POLRMT: variants seen among roughly 807,000 people sequenced by gnomAD.
POLRMT encodes DNA-directed RNA polymerase, mitochondrial.
In POLRMT, 114 loss-of-function variants were observed where a neutral mutation model predicts 132.2. The ratio of observed to expected loss-of-function variants is 0.86; its 90% CI spans 0.74 to 1.01. The LOEUF is 1.01. Among genes scored for constraint, POLRMT ranks in the 50% least tolerant of loss-of-function variants. The pLI, the probability that POLRMT is intolerant of heterozygous loss-of-function variation, is 0.00. For synonymous variants in POLRMT, 1,020 were observed against 773.4 expected (o/e 1.32, Z -5.29); for missense variants, 2,003 against 1,729.1 (o/e 1.16, Z -2.81).
intron 3 of POLRMT, among the ~76,000 whole-genome samples, chr19:626,560 G>A (rs1332536417): frequency 1.4e-5 from 2 of 143,624 alleles, no homozygotes; most frequent in Non-Finnish European, 3.0e-5. Flanking sequence ...GCCAAGACAG[G>A]AGGATCACAA....
chr19:633,023 C>CA (rs2144721355), intron 1 of POLRMT, 85 bp from the exon 2 acceptor site: 1 of 930,122 alleles, frequency 1.1e-6, no homozygotes, highest in African/African-American at 1.7e-5. Flanking sequence ...GGTCGAAGGG[C>CA]AAAGGAGCCC....
At chr19:627,842 T>C (rs895187404) in intron 3 of POLRMT, among the ~76,000 whole-genome samples, 7 of 150,232 alleles carry the variant, frequency 4.7e-5, no homozygotes, top group Non-Finnish European at 8.9e-5. Flanking sequence ...GGGAGAATTA[T>C]TGAACCCAGG....
In POLRMT at chr19:624,923, T is replaced by C; in HGVS notation, c.954-18A>G. 1 of 1,593,596 alleles carries C rather than the reference T, an allele frequency of 6.3e-7. No individual in the cohort carries two copies. Among genetic ancestry groups the C allele is most frequent in the Non-Finnish European group, 8.6e-7 (1 of 1,167,152 alleles). On this transcript the variant is annotated intron_variant, in intron 4 of 20. Transcript: ENST00000588649. The stretch of plus-strand genomic sequence containing the variant: ...CCAGACACCTGTGGTGCAGGCGGCC[T>C]GCTCGAGGGACGGGCCAGCCCCACG...
In POLRMT at chr19:621,166, G is replaced by C. The variant is rs146742650; in HGVS notation, c.2532C>G (p.His844Gln). The change falls in exon 10 of 21, where the codon CAC (histidine) becomes CAG (glutamine). Residue 844 changes from histidine (H) to glutamine (Q), a missense_variant. Coordinates refer to ENST00000588649, the MANE Select transcript of POLRMT (RefSeq NM_005035.4). ...TCTTCAACCCCGTGAGATTGACCAG[G>C]TGGATCTTGAGCCAATCCAGGCCGT... ...GPHGLDWLKI[H>Q]LVNLTGLKKR... is the part of the protein sequence containing the mutation. 2 of 1,610,922 alleles carry C rather than the reference G, an allele frequency of 1.2e-6. No individual in the cohort carries two copies. The highest frequency in any genetic ancestry group is 1.7e-6 in the Non-Finnish European group (2 of 1,178,678).
intron 10 of POLRMT, 55 bp downstream of exon 10, chr19:621,003 G>A (rs1329925588): frequency 1.1e-6 from 1 of 931,540 alleles, no homozygotes; most frequent in Non-Finnish European, 1.3e-6. Context: ...CGGGGGCGCC[G>A]GGGGAGGGCG....
chr19:623,696 G>C (rs776694012), intron 5 of POLRMT, 93 bp from the exon 6 acceptor site: 1 of 1,448,778 alleles, frequency 6.9e-7, no homozygotes, highest in South Asian at 1.2e-5. Context: ...GCGTTTCTGC[G>C]TCTCCTGCAA....
chr19:622,645 G>C lies in POLRMT; in HGVS notation c.1563C>G (p.Gly521=). 2 of 1,607,180 alleles carry C rather than the reference G, an allele frequency of 1.2e-6. No individual in the cohort carries two copies. Among genetic ancestry groups the C allele is most frequent in the Admixed American group, 1.7e-5 (1 of 59,614 alleles). Residue 521 remains glycine (G), a synonymous_variant, in exon 8 of 21, where the codon GGC becomes GGG. Transcript: ENST00000588649. The part of the protein sequence containing the change: ...RHVVQRQRVS[G]QVQALQNHYR... ...AGTGGTTCTGCAGCGCCTGCACCTG[G>C]CCACTGACCCGCTGCCTCTGCACCA... is the stretch of plus-strand genomic sequence containing the variant.
At chr19:624,105 A>T (rs1490822962) in intron 5 of POLRMT, among the ~76,000 whole-genome samples, 2 of 152,222 alleles carry the variant, frequency 1.3e-5, no homozygotes, top group Non-Finnish European at 2.9e-5. Context: ...GGACGAACAG[A>T]CGGGCACGGC....
chr19:626,447 C>T (rs1985018988), intron 3 of POLRMT, among the ~76,000 whole-genome samples: 1 of 151,600 alleles, frequency 6.6e-6, no homozygotes, highest in Non-Finnish European at 1.5e-5. Flanking sequence ...AGCCACCACG[C>T]CCAGCCATGT....
chr19:630,883 C>A (rs928550993), intron 2 of POLRMT, among the ~76,000 whole-genome samples: 1 of 152,194 alleles, frequency 6.6e-6, no homozygotes, highest in Non-Finnish European at 1.5e-5. Context: ...GCTGGCCGGG[C>A]ATGGCGGCTC....
At chr19:632,783 C>T in intron 2 of POLRMT, 51 bp downstream of exon 2, 9 of 1,442,048 alleles carry the variant, frequency 6.2e-6, no homozygotes, top group Non-Finnish European at 7.5e-6. Flanking sequence ...TTTCTCCCGG[C>T]AGCAGGGAGC....
Position 618,591 on chromosome 19 carries a change from G to A in POLRMT, c.3324-5C>T. The A allele has an allele frequency of 2.5e-6, 4 of 1,609,482 alleles. No homozygotes were observed. Among genetic ancestry groups the A allele is most frequent in the East Asian group, 4.5e-5 (2 of 44,704 alleles). ...TGCTTACGTGTGTTGGGCTTTCTGA[G>A]GACGGAACAGGTGCCGGTGGGGGCG... On this transcript the variant is annotated splice_region_variant and splice_polypyrimidine_tract_variant and intron_variant, in intron 16 of 20. Transcript: ENST00000588649.
At position 625,259 on chromosome 19, in the gene POLRMT, G is replaced by A; in HGVS notation, c.823-5C>T. The A allele has an allele frequency of 6.2e-7, 1 of 1,613,766 alleles. No individual in the cohort carries two copies. On this transcript the variant is annotated splice_region_variant and splice_polypyrimidine_tract_variant and intron_variant, in intron 3 of 20. Coordinates refer to ENST00000588649, the MANE Select transcript of POLRMT (RefSeq NM_005035.4). ...TACCAGCTCCTTGAAGGCACCCTGG[G>A]AGACCAAGCCAGGGTGAGGGTCTGG...
intron 8 of POLRMT, 51 bp downstream of exon 8, chr19:622,531 C>T (rs754311086): frequency 1.0e-5 from 16 of 1,531,700 alleles, no homozygotes; most frequent in African/African-American, 9.6e-5. Context: ...GGAGGGAGAG[C>T]GCCCACCCAC....
rs574314564 is a variant in POLRMT at position 630,126 on chromosome 19, G to A, written c.236C>T (p.Ser79Leu). 3.9e-5 allele frequency: 62 copies of A among 1,610,178 alleles called. No individual in the cohort carries two copies. Among genetic ancestry groups the A allele is most frequent in the South Asian group, 1.1e-4 (10 of 90,740 alleles). The change falls in exon 3 of 21, where the codon TCG (serine) becomes TTG (leucine). Residue 79 changes from serine (S) to leucine (L), a missense_variant. Ser to Leu is a moderately radical substitution (Grantham distance 145). Transcript: ENST00000588649. ...RVRQLQAESVSEVVVNRVDVA... is the reference protein window; with the variant it reads ...RVRQLQAESVLEVVVNRVDVA... ...ATCCACCCTGTTCACCACCACCTCC[G>A]ACACGCTCTCAGCCTGCAGCTGCCG...
intron 6 of POLRMT, among the ~76,000 whole-genome samples, chr19:623,245 C>T (rs1252385648): frequency 1.3e-5 from 2 of 152,258 alleles, no homozygotes; most frequent in East Asian, 1.9e-4. Context: ...TTTCCCTGAG[C>T]GGCAGCCAGG....
intron 2 of POLRMT, among the ~76,000 whole-genome samples, chr19:631,181 A>G (rs1985387002): frequency 6.6e-6 from 1 of 151,974 alleles, no homozygotes; most frequent in Non-Finnish European, 1.5e-5. Context: ...TGTTGAAATA[A>G]GCCGGGTACA....
chr19:624,008 G>A (rs538634058), intron 5 of POLRMT, among the ~76,000 whole-genome samples: 5 of 152,222 alleles, frequency 3.3e-5, no homozygotes, highest in African/African-American at 4.8e-5. Context: ...AATCAAAGAC[G>A]CACGTCCACA....
chr19:631,428 A>G lies in POLRMT; in HGVS notation c.194-1260T>C, dbSNP rs112352452. ...GCCGAGGCAGGCGGATCACGAGGTC[A>G]GGAGATCAAGACCATCCTGGCTAAC... On this transcript the variant is annotated intron_variant, in intron 2 of 20. Coordinates refer to ENST00000588649, the MANE Select transcript of POLRMT (RefSeq NM_005035.4). 4.8e-3 allele frequency among the ~76,000 whole-genome samples: 734 copies of G among 151,762 alleles called. 3 individuals are homozygous for G. Among genetic ancestry groups the G allele is most frequent in the South Asian group, 0.013 (64 of 4,802 alleles).
Sources: allele counts gnomAD v4.1 joint callset (sites outside exome capture counted in the v4.1 genomes callset), GRCh38; gene constraint gnomAD v4.1.1; transcripts MANE v1.5; gene names NCBI Gene and HGNC (gene_info 2026-07-23, HGNC 2026-07-21).